The following SYT1 variants were observed in gnomAD, a reference collection of about 807,000 sequenced individuals.
SYT1 encodes synaptotagmin 1, also known as synaptotagmin-1.
SYT1 carries 8 observed loss-of-function variants against 44.8 expected under a neutral mutation model. The ratio of observed to expected loss-of-function variants is 0.18; its 90% CI spans 0.10 to 0.32. The LOEUF (loss-of-function observed/expected upper bound fraction) is 0.32, where lower values mean the gene tolerates loss of function less well. Among genes scored for constraint, SYT1 ranks in the 10% least tolerant of loss-of-function variants. SYT1 has a pLI of 1.00. For missense variants in SYT1, 286 were observed against 509.3 expected, an observed-to-expected ratio of 0.56 and a Z score of 4.22; for synonymous variants, 154 against 188.8, an observed-to-expected ratio of 0.82 and a Z score of 1.51.
intron 2 of SYT1, among the ~76,000 whole-genome samples, chr12:79,040,256 C>G (rs2137719375): frequency 6.6e-6 from 1 of 151,024 alleles, no homozygotes; most frequent in Admixed American, 6.6e-5. Flanking sequence ...AAAAGTGTTC[C>G]TATTTCTCCA....
intron 2 of SYT1, among the ~76,000 whole-genome samples, chr12:79,045,329 C>T (rs979294228): frequency 3.3e-5 from 5 of 151,832 alleles, no homozygotes; most frequent in African/African-American, 9.7e-5. Flanking sequence ...CGTGGTGCGC[C>T]ATTTTTTAAG....
rs372988465 is a variant in SYT1 at position 78,946,642 on chromosome 12, G to A, written c.-216-31157G>A. 1.1e-4 allele frequency among the ~76,000 whole-genome samples: 16 copies of A among 151,762 alleles called. No homozygotes were observed. The East Asian group carries it at 2.1e-3, about 20-fold the overall frequency. On this transcript the variant is annotated intron_variant, in intron 1 of 10. Transcript: ENST00000261205. ...GCAGAGGTTGCTGTGAACCAAGATC[G>A]TGCCACTGCACTTCAGCCTAACAGC...
intron 4 of SYT1, among the ~76,000 whole-genome samples, chr12:79,276,384 A>AC (rs1464561938): frequency 6.6e-6 from 1 of 151,832 alleles, no homozygotes; most frequent in African/African-American, 2.4e-5. Context: ...ACAAAACAAA[A>AC]AAAACAGAAT....
rs73355566 is a variant in SYT1, at chr12:79,127,744, C to T, written c.-18+80382C>T. 8.1e-3 allele frequency among the ~76,000 whole-genome samples: 1,235 copies of T among 152,270 alleles called. 18 individuals carry two copies. The highest frequency in any genetic ancestry group is 0.028 in the African/African-American group (1,181 of 41,548). On this transcript the variant is annotated intron_variant, in intron 3 of 10. Coordinates refer to ENST00000261205, the MANE Select transcript of SYT1 (RefSeq NM_005639.3). ...TGTCTTTATCCAGCCACACAGAAGA[C>T]GAAAAGCTCATAGGAGTCCTAGAAA...
intron 3 of SYT1, among the ~76,000 whole-genome samples, chr12:79,089,571 A>G (rs1714528219): frequency 1.3e-5 from 2 of 151,596 alleles, no homozygotes; most frequent in Admixed American, 6.6e-5. Flanking sequence ...AACAGGCTCC[A>G]TTGGTTCAAA....
chr12:79,099,203 T>G (rs1351839754), intron 3 of SYT1, among the ~76,000 whole-genome samples: 2 of 152,086 alleles, frequency 1.3e-5, no homozygotes, highest in African/African-American at 4.8e-5. Flanking sequence ...GAGAAAACTG[T>G]TAATTCCCCT....
rs542532258 is a variant in SYT1 at position 79,185,008 on chromosome 12, A to C, written c.-17-32495A>C. ...GTGTTCTTACCGCAAGAGCATCTTCATTAGCAAACAGAAATGTCACCTAGC... is the reference window on the plus strand; with the variant it reads ...GTGTTCTTACCGCAAGAGCATCTTCCTTAGCAAACAGAAATGTCACCTAGC... On this transcript the variant is annotated intron_variant, in intron 3 of 10. Transcript: ENST00000261205. Among the ~76,000 whole-genome samples the C allele has an allele frequency of 3.3e-5, 5 of 152,190 alleles. No homozygotes were observed. In the South Asian group the frequency reaches 1.0e-3, roughly 32 times the overall value.
intron 10 of SYT1, 59 bp downstream of exon 10, chr12:79,444,265 T>G: frequency 6.3e-7 from 1 of 1,595,338 alleles, no homozygotes. Context: ...ACCACATAAA[T>G]TATACACACA....
chr12:79,165,405 A>G (rs1207637478), intron 3 of SYT1, among the ~76,000 whole-genome samples: 3 of 151,988 alleles, frequency 2.0e-5, no homozygotes, highest in Non-Finnish European at 4.4e-5. Context: ...CAGATTTAGA[A>G]CAGTGTTGCA....
chr12:79,435,671 G>C (rs1171797497), intron 9 of SYT1, among the ~76,000 whole-genome samples: 1 of 152,086 alleles, frequency 6.6e-6, no homozygotes, highest in Admixed American at 6.5e-5. Flanking sequence ...CCTTGTTTCA[G>C]TTACAAGAAA....
In SYT1 at chr12:78,867,583, A is replaced by T. The variant is rs73347866; in HGVS notation, c.-217+2474A>T. On this transcript the variant is annotated intron_variant, in intron 1 of 10. Transcript: ENST00000261205. ...ACAGGATATTTTAGTAAATCTCATTAATGTTTCAGAGTAAATATGATAATT... is the reference window on the plus strand; with the variant it reads ...ACAGGATATTTTAGTAAATCTCATTTATGTTTCAGAGTAAATATGATAATT... Among the ~76,000 whole-genome samples the T allele has an allele frequency of 3.7e-3, 569 of 152,110 alleles. 7 individuals are homozygous for T. The highest frequency in any genetic ancestry group is 0.013 in the African/African-American group (544 of 41,540).
chr12:78,886,195 A>AT (rs1035483659), intron 1 of SYT1, among the ~76,000 whole-genome samples: 2 of 151,852 alleles, frequency 1.3e-5, no homozygotes, highest in Non-Finnish European at 2.9e-5. Context: ...ATATCTTTTT[A>AT]TTTTTTTCTA....
At chr12:78,896,950 A>G (rs113492110) in intron 1 of SYT1, among the ~76,000 whole-genome samples, 12,186 of 151,838 alleles carry the variant, frequency 0.08, 570 homozygotes, top group African/African-American at 0.13. Flanking sequence ...CTATAATTAA[A>G]TAATTTACCT....
chr12:79,221,241 T>C (rs762130296), intron 4 of SYT1, among the ~76,000 whole-genome samples: 20 of 152,138 alleles, frequency 1.3e-4, no homozygotes, highest in Non-Finnish European at 2.5e-4. Context: ...CATATATAGT[T>C]ATTCCTGCTC....
chr12:79,276,967 GGAGGAA>G (rs1336240180), intron 4 of SYT1, among the ~76,000 whole-genome samples: 2 of 138,504 alleles, frequency 1.4e-5, no homozygotes, highest in Non-Finnish European at 3.3e-5. Context: ...AGGAGGAGGA[GGAGGAA>G]GAGGAGGAGG....
chr12:79,340,245 A>G (rs916421865), intron 8 of SYT1, among the ~76,000 whole-genome samples: 3 of 152,166 alleles, frequency 2.0e-5, no homozygotes, highest in African/African-American at 7.2e-5. Flanking sequence ...CACTGAATCT[A>G]TAAATTACCT....
At chr12:79,324,022 C>A (rs111398818) in intron 8 of SYT1, among the ~76,000 whole-genome samples, 16,438 of 146,972 alleles carry the variant, frequency 0.11, 1,326 homozygotes, top group African/African-American at 0.23. Flanking sequence ...GCAATCTCAG[C>A]TCACTACCAC....
At chr12:79,203,469 A>G (rs893295424) in intron 3 of SYT1, among the ~76,000 whole-genome samples, 2 of 152,222 alleles carry the variant, frequency 1.3e-5, no homozygotes, top group African/African-American at 4.8e-5. Context: ...ATCACCCAAC[A>G]GAATTCCTCT....
chr12:79,150,534 G>A (rs546737588), intron 3 of SYT1, among the ~76,000 whole-genome samples: 2 of 152,252 alleles, frequency 1.3e-5, no homozygotes, highest in South Asian at 2.1e-4. Flanking sequence ...TGGACAGCAT[G>A]GAGACAGACC....
Sources: gnomAD v4.1 joint callset for allele counts (sites outside exome capture counted in the v4.1 genomes callset) on GRCh38, gnomAD v4.1.1 for gene constraint, MANE v1.5 for transcripts, NCBI Gene and HGNC (gene_info 2026-07-23, HGNC 2026-07-21) for gene names.